Variants in ANO5 observed in about 807,000 individuals in gnomAD.
ANO5 encodes anoctamin-5.
Under a neutral mutation model 121.0 loss-of-function variants are expected in ANO5, and 109 were observed. The observed-to-expected ratio is 0.90, with a 90% CI of 0.77 to 1.06. The LOEUF (loss-of-function observed/expected upper bound fraction) is 1.06. ANO5 is among the 50% of genes least tolerant of loss of function. The pLI is 0.00. For synonymous variants in ANO5, 406 were observed against 359.9 expected (o/e 1.13, Z -1.45); for missense variants, 1,064 against 1,078.5 (o/e 0.99, Z 0.19).
At chr11:22,210,326 A>G (rs1044885858) in intron 2 of ANO5, among the ~76,000 whole-genome samples, 1 of 151,792 alleles carries the variant, frequency 6.6e-6, no homozygotes, top group Non-Finnish European at 1.5e-5. Context: ...CTTTTGTGGC[A>G]CATTCTGTTA....
chr11:22,195,294 G>T (rs1231482243), intron 1 of ANO5, among the ~76,000 whole-genome samples: 2 of 152,088 alleles, frequency 1.3e-5, no homozygotes, highest in Non-Finnish European at 2.9e-5. Context: ...TCATTATTGA[G>T]TTGCAAGAAT....
Position 22,272,873 on chromosome 11 carries a change from G to GGT in ANO5, c.2119_2120insGT (p.Val707GlyfsTer15). ...CATAAATAATATTGTAGAGATTCGA[G>GGT]TGGATGCCTGGAAACTTACCACTCA... is the stretch of plus-strand genomic sequence containing the variant. On this transcript the variant is annotated frameshift_variant, in exon 19 of 22. Coordinates refer to ENST00000324559, the MANE Select transcript of ANO5 (RefSeq NM_213599.3). LOFTEE classifies it high-confidence loss of function. 1 of 1,614,056 alleles carries GGT rather than the reference G, an allele frequency of 6.2e-7. No homozygotes were observed. Among genetic ancestry groups the GGT allele is most frequent in the Non-Finnish European group, 8.5e-7 (1 of 1,179,982 alleles).
At chr11:22,259,332 A>C (rs1460056387) in intron 14 of ANO5, among the ~76,000 whole-genome samples, 187 bp from the exon 15 acceptor site, 7 of 152,134 alleles carry the variant, frequency 4.6e-5, no homozygotes, top group African/African-American at 1.7e-4. Context: ...CCTTATCTCT[A>C]ACCCTTTTAC....
In ANO5 at chr11:22,282,988, CT is replaced by C. The variant is rs1855134171; in HGVS notation, c.*3228del. ...GAGTCGGTATAACTACTGTGTTATTCTTTTTCTAGACAAATTTTGACTCTTC... is the reference window on the plus strand; with the variant it reads ...GAGTCGGTATAACTACTGTGTTATTCTTTTCTAGACAAATTTTGACTCTTC... On this transcript the variant is annotated 3_prime_UTR_variant, in exon 22 of 22. Coordinates refer to ENST00000324559, the MANE Select transcript of ANO5 (RefSeq NM_213599.3). 1 of 152,140 alleles carries C rather than the reference CT, an allele frequency of 6.6e-6. No individual in the cohort carries two copies. Among genetic ancestry groups the C allele is most frequent in the South Asian group, 2.1e-4 (1 of 4,834 alleles). 9.4% of individuals were successfully genotyped at this position (152,140 alleles called of 1,614,324 possible).
chr11:22,277,498 TTTTGA>T (rs1372812207), intron 21 of ANO5, among the ~76,000 whole-genome samples: 3 of 151,102 alleles, frequency 2.0e-5, no homozygotes, highest in Non-Finnish European at 4.4e-5. Flanking sequence ...TCCATCAGAG[TTTTGA>T]TTAAGAGATT....
At chr11:22,237,477 G>A (rs1165648742) in intron 8 of ANO5, among the ~76,000 whole-genome samples, 6 of 151,992 alleles carry the variant, frequency 3.9e-5, no homozygotes, top group African/African-American at 1.2e-4. Context: ...TGCAGCCTCC[G>A]TCTCCCGGGT....
At chr11:22,263,133 G>A (rs1473651399) in intron 17 of ANO5, 90 bp downstream of exon 17, 11 of 1,075,684 alleles carry the variant, frequency 1.0e-5, no homozygotes, top group Admixed American at 1.9e-5. Context: ...TTACCATGGT[G>A]CCTTTGTTAG....
chr11:22,259,884 C>A, intron 15 of ANO5, 143 bp downstream of exon 15: 2 of 809,798 alleles, frequency 2.5e-6, no homozygotes, highest in Non-Finnish European at 4.0e-6. Flanking sequence ...CCCATATCTG[C>A]TATTTCAAAA....
In ANO5 at chr11:22,243,737, G is replaced by T. The variant is rs1326261868; in HGVS notation, c.878+4053G>T. Among the ~76,000 whole-genome samples the T allele has an allele frequency of 3.3e-5, 5 of 152,098 alleles. No individual in the cohort carries two copies. In the East Asian group the frequency reaches 5.8e-4, roughly 18 times the overall value. ...TTCATAATAGTATTGGAGGATTTTT[G>T]ATTTCTGTAGGATTAGTTATAATAT... On this transcript the variant is annotated intron_variant, in intron 9 of 21. Transcript: ENST00000324559.
At position 22,193,148 on chromosome 11, in the gene ANO5, A is replaced by G; in HGVS notation, c.-345A>G. The G allele has an allele frequency of 8.7e-7, 1 of 1,148,770 alleles. No homozygotes were observed. Among genetic ancestry groups the G allele is most frequent in the Non-Finnish European group, 1.1e-6 (1 of 925,446 alleles). 71.2% of individuals were successfully genotyped at this position (1,148,770 alleles called of 1,614,324 possible). A position where few individuals can be genotyped will look rare whatever the true frequency, so the allele number is the denominator to read the frequency against. ...GCGGGATCAGCTGCCGAGCAGGCAC[A>G]GGGACAGGTGCCTGGAGAAGTACTG... is the stretch of plus-strand genomic sequence containing the variant. On this transcript the variant is annotated 5_prime_UTR_variant, in exon 1 of 22. Transcript: ENST00000324559.
intron 1 of ANO5, among the ~76,000 whole-genome samples, chr11:22,200,381 CT>C (rs1851930252): frequency 2.0e-5 from 3 of 151,998 alleles, no homozygotes. Flanking sequence ...GCTACTTTAC[CT>C]TGCAATGTAA....
intron 8 of ANO5, among the ~76,000 whole-genome samples, chr11:22,237,369 TG>T (rs1033696091): frequency 2.0e-5 from 3 of 152,048 alleles, no homozygotes; most frequent in African/African-American, 4.8e-5. Flanking sequence ...AGTTTTCCTC[TG>T]TTAATGTTTA....
At position 22,274,767 on chromosome 11, in the gene ANO5, G is replaced by C; in HGVS notation, c.2414+20G>C. On this transcript the variant is annotated intron_variant, in intron 20 of 21. Coordinates refer to ENST00000324559, the MANE Select transcript of ANO5 (RefSeq NM_213599.3). ...TTGCAGGTGATTTGTTTGTTTGTTT[G>C]TTTAGGTTTTAGTTTTATCCCTTAA... is the stretch of plus-strand genomic sequence containing the variant. 2 of 1,611,370 alleles carry C rather than the reference G, an allele frequency of 1.2e-6. No homozygotes were observed. The highest frequency in any genetic ancestry group is 1.7e-6 in the Non-Finnish European group (2 of 1,178,800).
Position 22,193,428 on chromosome 11 carries a change from G to T in ANO5, c.-65G>T. 1 of 1,572,330 alleles carries T rather than the reference G, an allele frequency of 6.4e-7. No individual in the cohort carries two copies. ...TTCAGCACCTGCCTCAGATCTCCAC[G>T]TCTGTCTCAGCTGCCCCTCTCCTGC... On this transcript the variant is annotated 5_prime_UTR_variant, in exon 1 of 22. Coordinates refer to ENST00000324559, the MANE Select transcript of ANO5 (RefSeq NM_213599.3).
At chr11:22,203,481 A>T (rs534742707) in intron 1 of ANO5, among the ~76,000 whole-genome samples, 1 of 152,120 alleles carries the variant, frequency 6.6e-6, no homozygotes, top group Non-Finnish European at 1.5e-5. Context: ...TGGACACCCT[A>T]TTGGGTATTT....
chr11:22,197,464 T>A (rs551985976), intron 1 of ANO5, among the ~76,000 whole-genome samples: 1 of 151,938 alleles, frequency 6.6e-6, no homozygotes. Flanking sequence ...TATGATACAG[T>A]TGGTATTGGA....
In ANO5 at chr11:22,276,179, A is replaced by G. The variant is rs1296041351; in HGVS notation, c.2500A>G (p.Thr834Ala). 6.2e-7 allele frequency: 1 copy of G among 1,610,260 alleles called. No homozygotes were observed. The highest frequency in any genetic ancestry group is 8.5e-7 in the Non-Finnish European group (1 of 1,177,144). ...QFWHVLAAKM[T>A]FIIVMEHVVF... The stretch of plus-strand genomic sequence containing the variant: ...CTGGCATGTCCTTGCTGCCAAGATG[A>G]CCTTCATCATTGTTATGGAAGTAAG... Residue 834 changes from threonine to alanine, a missense_variant, in exon 21 of 22, where the codon ACC (threonine) becomes GCC (alanine). Coordinates refer to ENST00000324559, the MANE Select transcript of ANO5 (RefSeq NM_213599.3).
chr11:22,203,621 A>G (rs1268935492), intron 1 of ANO5, among the ~76,000 whole-genome samples, 183 bp from the exon 2 acceptor site: 2 of 152,156 alleles, frequency 1.3e-5, no homozygotes, highest in African/African-American at 4.8e-5. Flanking sequence ...AGTTTTAGGT[A>G]AGACTTCTTT....
chr11:22,270,293 C>T lies in ANO5; in HGVS notation c.1899-19C>T. ...TTTTTGGTCCTATTTCATATATTAA[C>T]TTTTATCACTTCCAACAGCTTGGCT... On this transcript the variant is annotated intron_variant, in intron 17 of 21. Transcript: ENST00000324559. 1.2e-6 allele frequency: 2 copies of T among 1,613,876 alleles called. No individual in the cohort carries two copies. The highest frequency in any genetic ancestry group is 1.1e-5 in the South Asian group (1 of 91,072).
Sources: allele counts gnomAD v4.1 joint callset (sites outside exome capture counted in the v4.1 genomes callset), GRCh38; gene constraint gnomAD v4.1.1; transcripts MANE v1.5; gene names NCBI Gene and HGNC (gene_info 2026-07-23, HGNC 2026-07-21).